The following STX19 variants were observed in gnomAD, a reference collection of about 807,000 sequenced individuals.
The protein encoded by STX19 is syntaxin 19, also known as syntaxin-19.
STX19 carries 26 observed loss-of-function variants against 24.3 expected under a neutral mutation model. The observed-to-expected ratio is 1.07, with a 90% CI of 0.78 to 1.48. STX19 has a LOEUF of 1.48. Among genes scored for constraint, STX19 ranks in the 40% most tolerant of loss-of-function variants. The pLI is 0.00. For synonymous variants in STX19, 116 were observed against 106.9 expected, an observed-to-expected ratio of 1.09 and a Z score of -0.52; for missense variants, 367 against 331.9, an observed-to-expected ratio of 1.11 and a Z score of -0.82.
intron 1 of STX19, among the ~76,000 whole-genome samples, chr3:94,024,310 A>G (rs751782654): frequency 1.5e-4 from 23 of 152,218 alleles, no homozygotes; most frequent in Non-Finnish European, 2.5e-4. Flanking sequence ...CCGTGTAAAT[A>G]TAGGGAAAAA....
chr3:94,023,206 C>G (rs1198557487), intron 1 of STX19, among the ~76,000 whole-genome samples: 3 of 152,042 alleles, frequency 2.0e-5, no homozygotes, highest in Non-Finnish European at 4.4e-5. Context: ...ACTATATTTT[C>G]TGTGGATATA....
chr3:94,018,633 G>A (rs906483104), intron 1 of STX19, among the ~76,000 whole-genome samples: 1 of 152,042 alleles, frequency 6.6e-6, no homozygotes, highest in African/African-American at 2.4e-5. Context: ...TTAAAAAACT[G>A]CCTACCTGAC....
chr3:94,015,248 G>T lies in STX19; in HGVS notation c.22C>A (p.Leu8Ile). The change falls in exon 2 of 2, where the codon CTA becomes ATA. Residue 8 changes from leucine (L) to isoleucine (I), a missense_variant. Leu to Ile is a conservative substitution (Grantham distance 5). Transcript: ENST00000315099. MKDRLQE[L>I]KQRTKEIELS... ...TCAATTTCCTTTGTTCTCTGCTTTA[G>T]TTCTTGAAGTCGGTCTTTCATCTTC... 1 of 1,549,764 alleles carries T rather than the reference G, an allele frequency of 6.5e-7. No homozygotes were observed. The highest frequency in any genetic ancestry group is 8.7e-7 in the Non-Finnish European group (1 of 1,152,690).
At chr3:94,019,073 ATTC>A (rs2106981960) in intron 1 of STX19, among the ~76,000 whole-genome samples, 1 of 150,846 alleles carries the variant, frequency 6.6e-6, no homozygotes, top group African/African-American at 2.4e-5. Context: ...GCTGGAAGTC[ATTC>A]TTGACTTTTT....
rs761521297 is a variant in STX19 at position 94,015,281 on chromosome 3, T to C, written c.-12A>G. 17 of 1,511,548 alleles carry C rather than the reference T, an allele frequency of 1.1e-5. No homozygotes were observed. The highest frequency in any genetic ancestry group is 1.5e-5 in the Non-Finnish European group (17 of 1,137,258). The allele number at this position is 1,511,548 out of a possible 1,614,324, so 93.6% of individuals were successfully genotyped here. The stretch of plus-strand genomic sequence containing the variant: ...AGTCGGTCTTTCATCTTCCCTTTCC[T>C]CCTAAGAAGCAAAAATTTTTGTGTT... On this transcript the variant is annotated splice_region_variant and 5_prime_UTR_variant, in exon 2 of 2. Transcript: ENST00000315099.
chr3:94,018,083 T>TACAG (rs1485284534), intron 1 of STX19, among the ~76,000 whole-genome samples: 1 of 152,220 alleles, frequency 6.6e-6, no homozygotes, highest in East Asian at 1.9e-4. Context: ...TTTAAACTGA[T>TACAG]ACAGGGGTGT....
chr3:94,023,359 G>A (rs2076489091), intron 1 of STX19, among the ~76,000 whole-genome samples: 1 of 151,690 alleles, frequency 6.6e-6, no homozygotes, highest in East Asian at 1.9e-4. Flanking sequence ...TGAAATTCTT[G>A]ACCTTTTTTT....
chr3:94,018,804 C>T (rs1404291314), intron 1 of STX19, among the ~76,000 whole-genome samples: 1 of 152,224 alleles, frequency 6.6e-6, no homozygotes, highest in Non-Finnish European at 1.5e-5. Flanking sequence ...CTCACTCTGT[C>T]CCCTAGGCCG....
At chr3:94,026,088 C>T (rs1284823950) in intron 1 of STX19, among the ~76,000 whole-genome samples, 2 of 150,414 alleles carry the variant, frequency 1.3e-5, no homozygotes, top group African/African-American at 2.4e-5. Context: ...GGCACCATCT[C>T]GGCTCACTGC....
rs1559985402 is a variant in STX19 at position 94,014,930 on chromosome 3, TAACTA to T, written c.335_339del (p.Leu112Ter). 1.2e-6 allele frequency: 2 copies of T among 1,613,634 alleles called. No individual in the cohort carries two copies. Among genetic ancestry groups the T allele is most frequent in the South Asian group, 2.2e-5 (2 of 90,858 alleles). On this transcript the variant is annotated frameshift_variant, in exon 2 of 2. Coordinates refer to ENST00000315099, the MANE Select transcript of STX19 (RefSeq NM_001001850.3). LOFTEE classifies it high-confidence loss of function. ...TCAACCTCTGACTTTTTAACTTCTT[TAACTA>T]AATCATTCAAACTTCTGTTGATGTA...
intron 1 of STX19, among the ~76,000 whole-genome samples, chr3:94,018,839 C>T (rs1290044705): frequency 6.6e-6 from 1 of 152,052 alleles, no homozygotes; most frequent in Non-Finnish European, 1.5e-5. Flanking sequence ...GGTCTCGGCT[C>T]ACTGCAACCT....
chr3:94,019,557 C>A (rs1299477756), intron 1 of STX19, among the ~76,000 whole-genome samples: 1 of 152,058 alleles, frequency 6.6e-6, no homozygotes, highest in African/African-American at 2.4e-5. Context: ...TCCTTGTTTC[C>A]TTTTTGCACC....
At position 94,014,776 on chromosome 3, in the gene STX19, A is replaced by T; in HGVS notation, c.494T>A (p.Phe165Tyr). The T allele has an allele frequency of 6.2e-7, 1 of 1,613,778 alleles. No individual in the cohort carries two copies. Among genetic ancestry groups the T allele is most frequent in the Non-Finnish European group, 8.5e-7 (1 of 1,179,914 alleles). The change falls in exon 2 of 2, where the codon TTT becomes TAT. Residue 165 changes from phenylalanine to tyrosine, a missense_variant. By Grantham distance (22) the Phe-to-Tyr change is conservative. Transcript: ENST00000315099. ...IAAKQEKCKT[F>Y]ILRQLEVAGK... Reference sequence around the variant, plus strand: ...AGCAACTTCAAGCTGACGTAAAATAAATGTCTTGCACTTCTCTTGCTTTGC... The same window carrying T: ...AGCAACTTCAAGCTGACGTAAAATATATGTCTTGCACTTCTCTTGCTTTGC...
chr3:94,018,108 G>C (rs1224493803), intron 1 of STX19, among the ~76,000 whole-genome samples: 1 of 152,098 alleles, frequency 6.6e-6, no homozygotes, highest in Non-Finnish European at 1.5e-5. Context: ...ATGTTGTCCA[G>C]GCCGGTCTTG....
At chr3:94,017,237 G>A (rs1300373910) in intron 1 of STX19, among the ~76,000 whole-genome samples, 3 of 152,168 alleles carry the variant, frequency 2.0e-5, no homozygotes, top group Non-Finnish European at 4.4e-5. Flanking sequence ...GTATACAGCT[G>A]TCTTCTAAAC....
intron 1 of STX19, among the ~76,000 whole-genome samples, chr3:94,023,315 A>G (rs765798555): frequency 6.6e-6 from 1 of 151,824 alleles, no homozygotes; most frequent in East Asian, 1.9e-4. Flanking sequence ...GTGTTTTCTG[A>G]TATTTTGTAG....
chr3:94,023,804 A>G (rs1250123273), intron 1 of STX19, among the ~76,000 whole-genome samples: 1 of 152,168 alleles, frequency 6.6e-6, no homozygotes, highest in Admixed American at 6.5e-5. Flanking sequence ...TGTTACTAAT[A>G]TACATACTAT....
intron 1 of STX19, among the ~76,000 whole-genome samples, chr3:94,017,927 G>T (rs2076365313): frequency 1.3e-5 from 2 of 152,142 alleles, no homozygotes; most frequent in Admixed American, 1.3e-4. Flanking sequence ...AGAAAGGTAG[G>T]CATGGACCAC....
At chr3:94,023,633 C>T (rs551194094) in intron 1 of STX19, among the ~76,000 whole-genome samples, 22 of 152,234 alleles carry the variant, frequency 1.4e-4, no homozygotes, top group African/African-American at 5.1e-4. Context: ...TTTAAAGTGA[C>T]TTGCCTAAGG....
Sources: gnomAD v4.1 joint callset for allele counts (sites outside exome capture counted in the v4.1 genomes callset) on GRCh38, gnomAD v4.1.1 for gene constraint, MANE v1.5 for transcripts, NCBI Gene and HGNC (gene_info 2026-07-23, HGNC 2026-07-21) for gene names.